Variants in ITGA9 observed in about 807,000 individuals in gnomAD.
ITGA9 encodes the protein integrin alpha-9.
Under a neutral mutation model 127.8 loss-of-function variants are expected in ITGA9, and 56 were observed. The observed-to-expected ratio is 0.44, with a 90% CI of 0.35 to 0.55. The LOEUF (loss-of-function observed/expected upper bound fraction) is 0.55. Among genes scored for constraint, ITGA9 ranks in the 20% least tolerant of loss-of-function variants. ITGA9 has a pLI of 0.00. For missense variants in ITGA9, 1,196 were observed against 1,347.1 expected (o/e 0.89, Z 1.76); for synonymous variants, 508 against 514.5 (o/e 0.99, Z 0.17).
intron 4 of ITGA9, among the ~76,000 whole-genome samples, chr3:37,482,218 G>GT (rs1698564953): frequency 6.6e-6 from 1 of 152,212 alleles, no homozygotes; most frequent in Non-Finnish European, 1.5e-5. Context: ...TCCTTCCCAT[G>GT]TGGTCCTGCA....
At chr3:37,701,594 A>C (rs923750544) in intron 18 of ITGA9, among the ~76,000 whole-genome samples, 1 of 152,188 alleles carries the variant, frequency 6.6e-6, no homozygotes, top group Admixed American at 6.5e-5. Flanking sequence ...AGGCATTAAG[A>C]TCTTGACACT....
At chr3:37,723,363 T>A (rs574554999) in intron 18 of ITGA9, among the ~76,000 whole-genome samples, 6 of 151,992 alleles carry the variant, frequency 3.9e-5, no homozygotes, top group Non-Finnish European at 7.4e-5. Flanking sequence ...TATTATTATT[T>A]TTATTATTAT....
At chr3:37,746,967 A>C (rs1014071772) in intron 22 of ITGA9, among the ~76,000 whole-genome samples, 3 of 152,146 alleles carry the variant, frequency 2.0e-5, no homozygotes, top group African/African-American at 4.8e-5. Context: ...TCTGACCTCA[A>C]CTTCAGAGTT....
chr3:37,720,243 A>G (rs1341559087), intron 18 of ITGA9, among the ~76,000 whole-genome samples: 1 of 152,208 alleles, frequency 6.6e-6, no homozygotes. Context: ...CACCATGAGT[A>G]CATTTCTATG....
intron 15 of ITGA9, among the ~76,000 whole-genome samples, chr3:37,590,584 G>A (rs566888100): frequency 4.6e-5 from 7 of 152,332 alleles, no homozygotes; most frequent in African/African-American, 1.7e-4. Context: ...CTGTGGTGTA[G>A]ACCTCAGTCC....
At chr3:37,632,818 G>GAAAT in intron 16 of ITGA9, among the ~76,000 whole-genome samples, 1 of 152,286 alleles carries the variant, frequency 6.6e-6, no homozygotes, top group South Asian at 2.1e-4. Context: ...AAACTATGAT[G>GAAAT]AAATAAAGGC....
At chr3:37,468,534 T>C (rs1252539949) in intron 1 of ITGA9, among the ~76,000 whole-genome samples, 1 of 152,136 alleles carries the variant, frequency 6.6e-6, no homozygotes, top group Non-Finnish European at 1.5e-5. Context: ...TTCTGTTGTA[T>C]GATGTAGAGG....
intron 18 of ITGA9, among the ~76,000 whole-genome samples, chr3:37,719,903 A>G (rs541948443): frequency 6.6e-6 from 1 of 152,206 alleles, no homozygotes; most frequent in Non-Finnish European, 1.5e-5. Flanking sequence ...ATACTCACAC[A>G]GGAAATATCT....
intron 16 of ITGA9, among the ~76,000 whole-genome samples, chr3:37,648,341 T>G (rs1302647638): frequency 6.6e-6 from 1 of 152,148 alleles, no homozygotes; most frequent in Non-Finnish European, 1.5e-5. Flanking sequence ...ATTCAAAGTA[T>G]TGATGGAAAC....
chr3:37,785,344 A>G (rs1697027093), intron 26 of ITGA9, among the ~76,000 whole-genome samples: 1 of 152,236 alleles, frequency 6.6e-6, no homozygotes, highest in Non-Finnish European at 1.5e-5. Context: ...ATGGTCTGGA[A>G]GTACACCCAC....
chr3:37,471,274 T>C (rs1480310528), intron 2 of ITGA9, 140 bp downstream of exon 2: 8 of 978,342 alleles, frequency 8.2e-6, no homozygotes, highest in Non-Finnish European at 1.1e-5. Flanking sequence ...AACAAGCATG[T>C]ATTGAGTACG....
chr3:37,630,250 G>GT (rs1700217733), intron 16 of ITGA9, among the ~76,000 whole-genome samples: 1 of 148,526 alleles, frequency 6.7e-6, no homozygotes, highest in Non-Finnish European at 1.5e-5. Context: ...AGGTGTTCAC[G>GT]TAAGTGCTGA....
chr3:37,491,543 G>A (rs1698674035), intron 4 of ITGA9, among the ~76,000 whole-genome samples: 1 of 152,172 alleles, frequency 6.6e-6, no homozygotes, highest in Admixed American at 6.5e-5. Context: ...GGAGACTGGA[G>A]GTCACCCCCA....
intron 24 of ITGA9, among the ~76,000 whole-genome samples, chr3:37,779,032 C>A (rs541116881): frequency 1.3e-5 from 2 of 152,014 alleles, no homozygotes. Flanking sequence ...GGTATGTATA[C>A]GCATTTTGGA....
chr3:37,694,501 G>A (rs13075666), intron 18 of ITGA9, among the ~76,000 whole-genome samples: 464 of 152,312 alleles, frequency 3.0e-3, no homozygotes, highest in Non-Finnish European at 4.7e-3. Context: ...TCAGTATTCC[G>A]CCGCGGGGCT....
At chr3:37,485,853 A>G (rs1447699677) in intron 4 of ITGA9, among the ~76,000 whole-genome samples, 5 of 152,214 alleles carry the variant, frequency 3.3e-5, no homozygotes, top group Non-Finnish European at 5.9e-5. Context: ...CTCATGGAGC[A>G]TATCCTTCAG....
intron 27 of ITGA9, among the ~76,000 whole-genome samples, chr3:37,813,347 T>C (rs1697391495): frequency 6.6e-6 from 1 of 152,242 alleles, no homozygotes; most frequent in African/African-American, 2.4e-5. Context: ...GATCATCAAA[T>C]TCAGAGTCAC....
At position 37,466,483 on chromosome 3, in the gene ITGA9, C is replaced by CAAAAAAAAAAAAAA. The variant is rs60980366; in HGVS notation, c.186-4507_186-4494dup. On this transcript the variant is annotated intron_variant, in intron 1 of 27. Transcript: ENST00000264741. Reference sequence around the variant, plus strand: ...TGGGTAACAGAGCAAGACACCATCTCAAAAAAAAAAAAAAAAAAAAAAAAA... The same window carrying CAAAAAAAAAAAAAA: ...TGGGTAACAGAGCAAGACACCATCTCAAAAAAAAAAAAAAAAAAAAAAAAAAAAAAAAAAAAAAA... 1.2e-3 allele frequency among the ~76,000 whole-genome samples: 32 copies of CAAAAAAAAAAAAAA among 26,062 alleles called. 9 individuals carry two copies. The highest frequency in any genetic ancestry group is 0.083 in the Middle Eastern group (2 of 24). The allele number at this position is 26,062 out of a possible 152,430, so 17.1% of individuals were successfully genotyped here. A position where few individuals can be genotyped will look rare whatever the true frequency, so the allele number is the denominator to read the frequency against.
chr3:37,741,581 T>C, intron 20 of ITGA9, 149 bp from the exon 21 acceptor site: 1 of 700,898 alleles, frequency 1.4e-6, no homozygotes, highest in Non-Finnish European at 2.6e-6. Context: ...TTGATAGATA[T>C]GTACAGGGAC....
Sources: gnomAD v4.1 joint callset for allele counts (sites outside exome capture counted in the v4.1 genomes callset) on GRCh38, gnomAD v4.1.1 for gene constraint, MANE v1.5 for transcripts, NCBI Gene and HGNC (gene_info 2026-07-23, HGNC 2026-07-21) for gene names.